The following GNG7 variants were observed in gnomAD, a reference collection of about 807,000 sequenced individuals.
GNG7 encodes the protein G protein subunit gamma 7.
In GNG7, 1 loss-of-function variant was observed where a neutral mutation model predicts 4.0. That is an observed-to-expected ratio of 0.25 (90% confidence interval 0.09 to 1.18). The LOEUF is 1.18. GNG7 is among the 50% of genes most tolerant of loss of function. GNG7 has a pLI of 0.50. For missense variants in GNG7, 86 were observed against 91.9 expected (o/e 0.94, Z 0.26); for synonymous variants, 34 against 36.9 (o/e 0.92, Z 0.29).
At chr19:2,583,209 G>C (rs566154968) in intron 2 of GNG7, among the ~76,000 whole-genome samples, 8 of 152,082 alleles carry the variant, frequency 5.3e-5, no homozygotes, top group Middle Eastern at 3.2e-3. Flanking sequence ...TGGAATAACT[G>C]TTCTTGAAAG....
At position 2,575,351 on chromosome 19, in the gene GNG7, G is replaced by C. The variant is rs543502502; in HGVS notation, c.-77-20163C>G. On this transcript the variant is annotated intron_variant, in intron 2 of 4. Coordinates refer to ENST00000382159, the MANE Select transcript of GNG7 (RefSeq NM_052847.3). ...CGGCCTCTCAAAGTGCTGTGATTAC[G>C]GGTGTGAGCCACAGTGCCCTGCTCG... 3.3e-5 allele frequency among the ~76,000 whole-genome samples: 5 copies of C among 152,158 alleles called. No homozygotes were observed. The South Asian group carries it at 8.3e-4, about 25-fold the overall frequency.
rs2144868937 is a variant in GNG7 at position 2,653,424 on chromosome 19, A to G, written c.-134-7144T>C. Among the ~76,000 whole-genome samples, 1 of 152,294 alleles carries G rather than the reference A, an allele frequency of 6.6e-6. No homozygotes were observed. The highest frequency in any genetic ancestry group is 2.1e-4 in the South Asian group (1 of 4,824). ...AGGTCCCAGGAGGCTGCACACATTG[A>G]AATCCACATCCTGAGTGGGGCGGAG... is the stretch of plus-strand genomic sequence containing the variant. On this transcript the variant is annotated intron_variant, in intron 1 of 4. Transcript: ENST00000382159. This position sits in a 1 kb window ranked among gnomAD's most constrained non-coding sequence, Gnocchi z 4.8.
At chr19:2,539,494 G>C (rs144622331) in intron 3 of GNG7, among the ~76,000 whole-genome samples, 1 of 151,604 alleles carries the variant, frequency 6.6e-6, no homozygotes, top group Non-Finnish European at 1.5e-5. Flanking sequence ...TAGTAGAGAC[G>C]GGGTTTCACC....
chr19:2,670,626 G>T (rs566251854), intron 1 of GNG7, among the ~76,000 whole-genome samples: 1 of 151,772 alleles, frequency 6.6e-6, no homozygotes, highest in Non-Finnish European at 1.5e-5. Flanking sequence ...TTGGTCCAGG[G>T]TCTCCTCCCC....
At chr19:2,616,398 C>A (rs1202765886) in intron 2 of GNG7, among the ~76,000 whole-genome samples, 1 of 152,024 alleles carries the variant, frequency 6.6e-6, no homozygotes, top group Non-Finnish European at 1.5e-5. Context: ...GCGTGTGCCA[C>A]CGTGCCCAGC....
intron 1 of GNG7, among the ~76,000 whole-genome samples, chr19:2,673,565 C>T (rs1394274795): frequency 6.6e-6 from 1 of 151,736 alleles, no homozygotes; most frequent in African/African-American, 2.4e-5. Context: ...GGGTGGCAGG[C>T]ACCTGAAATC....
chr19:2,653,164 C>T lies in GNG7; in HGVS notation c.-134-6884G>A, dbSNP rs374548509. Among the ~76,000 whole-genome samples the T allele has an allele frequency of 6.6e-6, 1 of 152,040 alleles. No individual in the cohort carries two copies. The highest frequency in any genetic ancestry group is 1.5e-5 in the Non-Finnish European group (1 of 68,000). On this transcript the variant is annotated intron_variant, in intron 1 of 4. Coordinates refer to ENST00000382159, the MANE Select transcript of GNG7 (RefSeq NM_052847.3). This position sits in a 1 kb window ranked among gnomAD's most constrained non-coding sequence, Gnocchi z 4.8. ...AAAAACCAGGCCTCACCCACAGTGT[C>T]GAAGGCATGCATCTTCTAGGGTTAT...
At chr19:2,638,425 G>T (rs1321378110) in intron 2 of GNG7, among the ~76,000 whole-genome samples, 1 of 71,248 alleles carries the variant, frequency 1.4e-5, no homozygotes, top group Non-Finnish European at 2.9e-5. Context: ...AGGGGAAGGG[G>T]AAGGAGGGGA....
At chr19:2,520,050 G>T (rs1465350981) in intron 4 of GNG7, among the ~76,000 whole-genome samples, 1 of 152,184 alleles carries the variant, frequency 6.6e-6, no homozygotes, top group African/African-American at 2.4e-5. Flanking sequence ...GCATGGTGGT[G>T]CATGCCTGTA....
intron 3 of GNG7, among the ~76,000 whole-genome samples, chr19:2,541,456 C>G (rs540211084): frequency 1.7e-3 from 260 of 149,912 alleles, no homozygotes; most frequent in African/African-American, 5.5e-3. Context: ...AAATCAAGGC[C>G]GGGGGCAGTG....
intron 3 of GNG7, among the ~76,000 whole-genome samples, chr19:2,529,512 C>T (rs560884461): frequency 2.6e-5 from 4 of 152,332 alleles, no homozygotes; most frequent in African/African-American, 9.6e-5. Flanking sequence ...GCCACCACGC[C>T]CGGCCCATTT....
Position 2,542,914 on chromosome 19 carries a change from T to C in GNG7, c.-38+12235A>G, listed in dbSNP as rs200520951. 5.5e-4 allele frequency among the ~76,000 whole-genome samples: 83 copies of C among 150,836 alleles called. No individual in the cohort carries two copies. In the East Asian group the frequency reaches 0.015, roughly 27 times the overall value. ...TTTTTTTTTTTGGTGGTTTTTGTTT[T>C]GTTTTGTTTTGTTTTTGAGGCAGAG... On this transcript the variant is annotated intron_variant, in intron 3 of 4. Coordinates refer to ENST00000382159, the MANE Select transcript of GNG7 (RefSeq NM_052847.3).
intron 2 of GNG7, among the ~76,000 whole-genome samples, chr19:2,583,148 A>C (rs773384771): frequency 1.3e-4 from 20 of 151,974 alleles, no homozygotes; most frequent in Non-Finnish European, 2.2e-4. Flanking sequence ...ATATCCAGGG[A>C]TGGTCAAGTT....
chr19:2,565,511 C>CAAAA (rs147226705), intron 2 of GNG7, among the ~76,000 whole-genome samples: 3,127 of 116,450 alleles, frequency 0.027, 113 homozygotes, highest in African/African-American at 0.082. Context: ...GACTCTGTCT[C>CAAAA]AAAAAAAAAA....
rs144048034 is a variant in GNG7, at chr19:2,694,972, G to A, written c.-135+7674C>T. Among the ~76,000 whole-genome samples, 712 of 152,062 alleles carry A rather than the reference G, an allele frequency of 4.7e-3. 5 individuals carry two copies. The highest frequency in any genetic ancestry group is 8.1e-3 in the Non-Finnish European group (549 of 67,986). Reference sequence around the variant, plus strand: ...GGGTTGAACTCGAGCTCAGGAGTTCGAGACCAGCCTAGGCAATACAGGGGG... The same window carrying A: ...GGGTTGAACTCGAGCTCAGGAGTTCAAGACCAGCCTAGGCAATACAGGGGG... On this transcript the variant is annotated intron_variant, in intron 1 of 4. Coordinates refer to ENST00000382159, the MANE Select transcript of GNG7 (RefSeq NM_052847.3).
At chr19:2,558,602 T>C (rs957066490) in intron 2 of GNG7, among the ~76,000 whole-genome samples, 2 of 151,830 alleles carry the variant, frequency 1.3e-5, no homozygotes, top group African/African-American at 4.8e-5. Context: ...AATAAGAGAG[T>C]GTGTGTAGAT....
In GNG7 at chr19:2,686,139, G is replaced by A. The variant is rs148113298; in HGVS notation, c.-135+16507C>T. Among the ~76,000 whole-genome samples the A allele has an allele frequency of 2.9e-3, 442 of 151,634 alleles. 5 individuals are homozygous for A. The highest frequency in any genetic ancestry group is 0.01 in the African/African-American group (428 of 41,406). On this transcript the variant is annotated intron_variant, in intron 1 of 4. Coordinates refer to ENST00000382159, the MANE Select transcript of GNG7 (RefSeq NM_052847.3). ...CCAGCTGTCAGGCAGTTTCCCAGCC[G>A]TGTGTGGTCTCTGTCTCAGCATTTT...
chr19:2,614,421 AC>A lies in GNG7; in HGVS notation c.-78+31802del, dbSNP rs1981663663. Among the ~76,000 whole-genome samples, 1 of 150,998 alleles carries A rather than the reference AC, an allele frequency of 6.6e-6. No individual in the cohort carries two copies. The highest frequency in any genetic ancestry group is 2.4e-5 in the African/African-American group (1 of 41,000). On this transcript the variant is annotated intron_variant, in intron 2 of 4. Coordinates refer to ENST00000382159, the MANE Select transcript of GNG7 (RefSeq NM_052847.3). This position sits in a 1 kb window ranked among gnomAD's most constrained non-coding sequence, Gnocchi z 6.0. ...AACATTCTCAGCCCCCCAAAAAGAC[AC>A]CCCATCCCTATCAGCTGTCACTTCC...
intron 2 of GNG7, among the ~76,000 whole-genome samples, chr19:2,570,900 C>A (rs544456147): frequency 6.6e-6 from 1 of 152,172 alleles, no homozygotes; most frequent in Admixed American, 6.5e-5. Flanking sequence ...TGAGCTCAAC[C>A]GATCCTCCTG....
Sources: allele counts gnomAD v4.1 joint callset (sites outside exome capture counted in the v4.1 genomes callset), GRCh38; gene constraint gnomAD v4.1.1; non-coding constraint Gnocchi (gnomAD v3.1); transcripts MANE v1.5; gene names NCBI Gene and HGNC (gene_info 2026-07-23, HGNC 2026-07-21).